Variants in GLRA3 observed in about 807,000 individuals in gnomAD.
The protein encoded by GLRA3 is glycine receptor alpha 3, also known as glycine receptor subunit alpha-3.
In GLRA3, 44 loss-of-function variants were observed where a neutral mutation model predicts 60.4. The observed-to-expected ratio is 0.73, with a 90% confidence interval of 0.57 to 0.94. The LOEUF (loss-of-function observed/expected upper bound fraction) is 0.94. GLRA3 is among the 40% of genes least tolerant of loss of function. The pLI, the probability that GLRA3 is intolerant of heterozygous loss-of-function variation, is 0.00. For synonymous variants in GLRA3, 223 were observed against 192.9 expected, an observed-to-expected ratio of 1.16 and a Z score of -1.29; for missense variants, 508 against 564.6, an observed-to-expected ratio of 0.90 and a Z score of 1.02.
At chr4:174,821,373 A>G (rs1405072353) in intron 1 of GLRA3, among the ~76,000 whole-genome samples, 2 of 152,128 alleles carry the variant, frequency 1.3e-5, no homozygotes, top group Non-Finnish European at 2.9e-5. Context: ...ATAAATAAAT[A>G]CTTTTTTATG....
intron 5 of GLRA3, among the ~76,000 whole-genome samples, chr4:174,702,347 T>C (rs1179284575): frequency 1.3e-5 from 2 of 152,326 alleles, no homozygotes; most frequent in African/African-American, 4.8e-5. Flanking sequence ...TAAAATGCTA[T>C]TGCACACTTA....
chr4:174,751,659 C>T (rs534553238), intron 3 of GLRA3, among the ~76,000 whole-genome samples: 32 of 152,232 alleles, frequency 2.1e-4, no homozygotes, highest in African/African-American at 7.0e-4. Flanking sequence ...ATTGCTGTTA[C>T]GTAGCCCACT....
intron 2 of GLRA3, among the ~76,000 whole-genome samples, chr4:174,767,836 T>A (rs1037361638): frequency 6.6e-5 from 10 of 152,142 alleles, no homozygotes; most frequent in African/African-American, 2.4e-4. Flanking sequence ...CAGCCCTATG[T>A]GCATATGTAA....
chr4:174,716,931 TGTCTTAC>T (rs942968886), intron 4 of GLRA3, among the ~76,000 whole-genome samples: 1 of 152,222 alleles, frequency 6.6e-6, no homozygotes, highest in Admixed American at 6.5e-5. Context: ...CCAGGCGTGG[TGTCTTAC>T]GCCTGTAATT....
At chr4:174,684,024 C>T (rs72706160) in intron 5 of GLRA3, among the ~76,000 whole-genome samples, 18,628 of 151,922 alleles carry the variant, frequency 0.12, 1,490 homozygotes, top group Middle Eastern at 0.18. Flanking sequence ...GGGCCAGACA[C>T]ATTATATTTT....
chr4:174,827,037 G>A (rs10017956), intron 1 of GLRA3, among the ~76,000 whole-genome samples: 10 of 151,634 alleles, frequency 6.6e-5, no homozygotes, highest in African/African-American at 2.4e-4. Context: ...TATGAATGGA[G>A]AAAGAAAAAC....
At chr4:174,693,848 C>G (rs1439752147) in intron 5 of GLRA3, among the ~76,000 whole-genome samples, 1 of 152,072 alleles carries the variant, frequency 6.6e-6, no homozygotes, top group Non-Finnish European at 1.5e-5. Flanking sequence ...AGACCAATCT[C>G]ACAGGTAATG....
chr4:174,700,502 A>G (rs1735265110), intron 5 of GLRA3, among the ~76,000 whole-genome samples: 1 of 152,186 alleles, frequency 6.6e-6, no homozygotes, highest in South Asian at 2.1e-4. Context: ...TTATTAGCCA[A>G]TTAATAACTA....
At chr4:174,657,368 T>C (rs2110882905) in intron 8 of GLRA3, among the ~76,000 whole-genome samples, 1 of 152,286 alleles carries the variant, frequency 6.6e-6, no homozygotes, top group Non-Finnish European at 1.5e-5. Flanking sequence ...AATACTTCTC[T>C]TTTCTAGAAT....
chr4:174,738,518 C>T (rs1736887611), intron 3 of GLRA3, among the ~76,000 whole-genome samples: 1 of 152,158 alleles, frequency 6.6e-6, no homozygotes, highest in Non-Finnish European at 1.5e-5. Context: ...GTATTACCTT[C>T]TATTTGAGCA....
chr4:174,679,557 G>GA (rs968825840), intron 6 of GLRA3, among the ~76,000 whole-genome samples: 15 of 152,046 alleles, frequency 9.9e-5, no homozygotes, highest in African/African-American at 3.6e-4. Flanking sequence ...CCAAAAGAAA[G>GA]AAAATCAGTG....
intron 6 of GLRA3, 144 bp downstream of exon 6, chr4:174,682,658 T>A (rs1181418083): frequency 1.8e-6 from 1 of 549,186 alleles, no homozygotes; most frequent in Non-Finnish European, 3.2e-6. Flanking sequence ...AAAGTATTCA[T>A]AGGTTTCAAA....
At chr4:174,677,824 G>A (rs887309974) in intron 6 of GLRA3, among the ~76,000 whole-genome samples, 1 of 152,106 alleles carries the variant, frequency 6.6e-6, no homozygotes, top group Non-Finnish European at 1.5e-5. Flanking sequence ...TATTACTTCC[G>A]ACTTGAAAAG....
intron 4 of GLRA3, among the ~76,000 whole-genome samples, chr4:174,719,018 A>G (rs929105530): frequency 2.4e-5 from 3 of 124,224 alleles, no homozygotes; most frequent in Non-Finnish European, 4.7e-5. Flanking sequence ...GCTGGAGTGC[A>G]GTGGCGCAAT....
intron 1 of GLRA3, among the ~76,000 whole-genome samples, chr4:174,806,066 CTT>C (rs1740037928): frequency 6.6e-6 from 1 of 152,108 alleles, no homozygotes; most frequent in Admixed American, 6.6e-5. Context: ...ATAGCAAAGA[CTT>C]TTCCTGAAGC....
chr4:174,806,150 T>A (rs992633271), intron 1 of GLRA3, among the ~76,000 whole-genome samples: 1 of 152,196 alleles, frequency 6.6e-6, no homozygotes, highest in Non-Finnish European at 1.5e-5. Flanking sequence ...ATGTTCAATA[T>A]TGTTAATTAG....
At chr4:174,773,316 T>TTG (rs1336266966) in intron 2 of GLRA3, among the ~76,000 whole-genome samples, 1 of 151,674 alleles carries the variant, frequency 6.6e-6, no homozygotes, top group African/African-American at 2.4e-5. Context: ...TTTAGATGTT[T>TTG]TTTTTTTTTA....
intron 7 of GLRA3, among the ~76,000 whole-genome samples, chr4:174,663,100 C>A (rs996305297): frequency 1.9e-4 from 29 of 152,130 alleles, no homozygotes; most frequent in Admixed American, 1.0e-3. Context: ...TATTTCTTGA[C>A]ACTCGGAAGG....
intron 1 of GLRA3, among the ~76,000 whole-genome samples, chr4:174,796,634 T>G (rs1395198938): frequency 6.6e-6 from 1 of 151,990 alleles, no homozygotes; most frequent in Non-Finnish European, 1.5e-5. Flanking sequence ...CCTCCTGGGT[T>G]CAAGCGATTC....
Sources: allele counts gnomAD v4.1 joint callset (sites outside exome capture counted in the v4.1 genomes callset), GRCh38; gene constraint gnomAD v4.1.1; transcripts MANE v1.5; gene names NCBI Gene and HGNC (gene_info 2026-07-23, HGNC 2026-07-21).